MRTFA: variants seen among roughly 807,000 people sequenced by gnomAD.
MRTFA encodes myocardin-related transcription factor A.
A neutral mutation model predicts 83.5 loss-of-function variants in MRTFA; 20 were observed. That is an observed-to-expected ratio of 0.24 (90% CI 0.17 to 0.35). MRTFA has a LOEUF of 0.35. Among genes scored for constraint, MRTFA ranks in the 10% least tolerant of loss-of-function variants. The probability of loss-of-function intolerance (pLI) is 1.00; values close to 1 mark genes in which losing one functional copy is unlikely to be tolerated. For missense variants in MRTFA, 1,200 were observed against 1,224.7 expected (o/e 0.98, Z 0.30); for synonymous variants, 659 against 541.2 (o/e 1.22, Z -3.02).
intron 1 of MRTFA, among the ~76,000 whole-genome samples, chr22:40,597,419 G>C (rs2056206433): frequency 6.6e-6 from 1 of 152,188 alleles, no homozygotes; most frequent in Admixed American, 6.5e-5. Flanking sequence ...TGCCAACTAA[G>C]ACATAAATGA....
intron 3 of MRTFA, among the ~76,000 whole-genome samples, chr22:40,463,799 T>C (rs977512679): frequency 6.6e-6 from 1 of 152,224 alleles, no homozygotes; most frequent in Non-Finnish European, 1.5e-5. Context: ...CAATGCCTTT[T>C]TCTAGCCTAG....
At chr22:40,497,512 T>C (rs2054376033) in intron 3 of MRTFA, among the ~76,000 whole-genome samples, 2 of 152,118 alleles carry the variant, frequency 1.3e-5, no homozygotes, top group Admixed American at 6.5e-5. Context: ...CCCAGCACTT[T>C]GGGAGGCCAA....
At chr22:40,554,573 C>T (rs2055492305) in intron 2 of MRTFA, among the ~76,000 whole-genome samples, 1 of 152,168 alleles carries the variant, frequency 6.6e-6, no homozygotes, top group Admixed American at 6.5e-5. Flanking sequence ...TTTCCTGAGG[C>T]CTCCCGAGCC....
chr22:40,628,172 C>T (rs979084555), intron 1 of MRTFA, among the ~76,000 whole-genome samples: 4 of 152,114 alleles, frequency 2.6e-5, no homozygotes, highest in Admixed American at 1.3e-4. Context: ...ATCCTTATAA[C>T]GACCTCATGT....
chr22:40,417,284 A>C (rs960314859), intron 13 of MRTFA, 57 bp downstream of exon 13: 2 of 1,576,780 alleles, frequency 1.3e-6, no homozygotes, highest in African/African-American at 2.7e-5. Flanking sequence ...TAGGAGCCTC[A>C]GCCCAGCAGC....
intron 4 of MRTFA, among the ~76,000 whole-genome samples, chr22:40,447,570 G>A (rs948116780): frequency 6.6e-5 from 10 of 152,132 alleles, no homozygotes; most frequent in Non-Finnish European, 1.2e-4. Flanking sequence ...ACAGGACCCT[G>A]TAAAACTGTG....
chr22:40,500,759 G>A (rs1386800601), intron 3 of MRTFA, among the ~76,000 whole-genome samples: 1 of 150,320 alleles, frequency 6.7e-6, no homozygotes, highest in Non-Finnish European at 1.5e-5. Flanking sequence ...TTTTCTTAGT[G>A]CAGAACAAAA....
At chr22:40,480,086 G>A (rs2054062407) in intron 3 of MRTFA, among the ~76,000 whole-genome samples, 1 of 152,154 alleles carries the variant, frequency 6.6e-6, no homozygotes, top group African/African-American at 2.4e-5. Flanking sequence ...ACAAAGCTAT[G>A]CAGACGATAC....
rs113458238 is a variant in MRTFA at position 40,530,457 on chromosome 22, T to C, written c.241+21649A>G. ...GACTACAGACATGCACCACCACACC[T>C]GGCTAATTTCTGTATTTTTAGTAGA... is the stretch of plus-strand genomic sequence containing the variant. On this transcript the variant is annotated intron_variant, in intron 3 of 14. Transcript: ENST00000355630. 7.5e-3 allele frequency among the ~76,000 whole-genome samples: 1,148 copies of C among 152,250 alleles called. 25 individuals carry two copies. The highest frequency in any genetic ancestry group is 0.075 in the Middle Eastern group (22 of 294).
chr22:40,415,682 G>A (rs1052339851), intron 14 of MRTFA, among the ~76,000 whole-genome samples: 4 of 152,100 alleles, frequency 2.6e-5, no homozygotes, highest in African/African-American at 7.2e-5. Flanking sequence ...TCACACAGAC[G>A]CGCGCTATTT....
chr22:40,631,294 T>C (rs907450142), intron 1 of MRTFA, among the ~76,000 whole-genome samples: 3 of 152,322 alleles, frequency 2.0e-5, no homozygotes, highest in Non-Finnish European at 4.4e-5. Context: ...CCCAGTCAGT[T>C]CTACGCTACT....
chr22:40,547,323 C>G (rs1029481697), intron 3 of MRTFA, among the ~76,000 whole-genome samples: 1 of 151,796 alleles, frequency 6.6e-6, no homozygotes, highest in African/African-American at 2.4e-5. Context: ...TATACACACA[C>G]ACACAATGAC....
intron 1 of MRTFA, among the ~76,000 whole-genome samples, chr22:40,596,573 G>A (rs778599981): frequency 2.6e-5 from 4 of 152,082 alleles, no homozygotes; most frequent in Non-Finnish European, 4.4e-5. Context: ...AGGCCAAGGC[G>A]GGCGGATCAC....
chr22:40,622,817 G>A (rs969263512), intron 1 of MRTFA, among the ~76,000 whole-genome samples: 1 of 152,056 alleles, frequency 6.6e-6, no homozygotes, highest in Non-Finnish European at 1.5e-5. Context: ...AAGGCACCAA[G>A]TATGTAGTAA....
intron 3 of MRTFA, among the ~76,000 whole-genome samples, chr22:40,532,121 G>A (rs765693550): frequency 3.3e-5 from 5 of 152,142 alleles, no homozygotes; most frequent in Admixed American, 1.3e-4. Flanking sequence ...AACACATGAC[G>A]AAGGAAAAAC....
intron 3 of MRTFA, among the ~76,000 whole-genome samples, chr22:40,488,286 T>C (rs2054206677): frequency 6.6e-6 from 1 of 152,174 alleles, no homozygotes; most frequent in Non-Finnish European, 1.5e-5. Context: ...CCAGTTTAGC[T>C]GGAGCATTAC....
rs2052512455 is a variant in MRTFA, at chr22:40,411,041, C to T, written c.*349G>A. Reference sequence around the variant, plus strand: ...CTCAGCCCTGGGTCAGAAGAGAAGCCTCCCGCCTGGCCAGGCTTCACCTAC... The same window carrying T: ...CTCAGCCCTGGGTCAGAAGAGAAGCTTCCCGCCTGGCCAGGCTTCACCTAC... On this transcript the variant is annotated 3_prime_UTR_variant, in exon 15 of 15. Coordinates refer to ENST00000355630, the MANE Select transcript of MRTFA (RefSeq NM_020831.6). The T allele has an allele frequency of 7.7e-6, 2 of 260,472 alleles. No homozygotes were observed. The highest frequency in any genetic ancestry group is 1.5e-5 in the Non-Finnish European group (2 of 137,056). The allele number at this position is 260,472 out of a possible 1,614,324, so 16.1% of individuals were successfully genotyped here.
chr22:40,425,491 G>A (rs1450384698), intron 7 of MRTFA, among the ~76,000 whole-genome samples: 1 of 152,234 alleles, frequency 6.6e-6, no homozygotes, highest in African/African-American at 2.4e-5. Flanking sequence ...TCTCCTAGGA[G>A]CTCTTGCCCT....
At chr22:40,533,340 T>C (rs115421069) in intron 3 of MRTFA, among the ~76,000 whole-genome samples, 577 of 152,350 alleles carry the variant, frequency 3.8e-3, no homozygotes, top group African/African-American at 0.012. Flanking sequence ...AAGAGTTTTT[T>C]TTCTCAAACA....
Sources: allele counts gnomAD v4.1 joint callset (sites outside exome capture counted in the v4.1 genomes callset), GRCh38; gene constraint gnomAD v4.1.1; transcripts MANE v1.5; gene names NCBI Gene and HGNC (gene_info 2026-07-23, HGNC 2026-07-21).